Variants in BCAN observed in about 807,000 individuals in gnomAD.
BCAN encodes the protein brevican core protein.
In BCAN, 51 loss-of-function variants were observed where a neutral mutation model predicts 92.4. That is an observed-to-expected ratio of 0.55 (90% confidence interval 0.44 to 0.70). The LOEUF (loss-of-function observed/expected upper bound fraction) is 0.70, where lower values mean the gene tolerates loss of function less well. Among genes scored for constraint, BCAN ranks in the 30% least tolerant of loss-of-function variants. BCAN has a pLI of 0.00. For synonymous variants in BCAN, 501 were observed against 505.2 expected (o/e 0.99, Z 0.11); for missense variants, 1,140 against 1,212.1 (o/e 0.94, Z 0.88).
chr1:156,652,958 G>A, intron 8 of BCAN, 66 bp downstream of exon 8: 1 of 1,591,756 alleles, frequency 6.3e-7, no homozygotes, highest in Non-Finnish European at 8.6e-7. Flanking sequence ...GCAGCTCTGG[G>A]TCACCTGACC....
rs535849291 is a variant in BCAN at position 156,648,752 on chromosome 1, C to A, written c.954C>A (p.Pro318=). The change falls in exon 6 of 14, where the codon CCC becomes CCA. Residue 318 remains proline, a synonymous_variant. Coordinates refer to ENST00000329117, the MANE Select transcript of BCAN (RefSeq NM_021948.5). The part of the protein sequence containing the change: ...DGSVRYPIVT[P]SQRCGGGLPG... ...GTGTGCGCTACCCCATCGTCACACC[C>A]AGCCAGCGCTGTGGTGGGGGCTTGC... is the stretch of plus-strand genomic sequence containing the variant. 5 of 1,612,438 alleles carry A rather than the reference C, an allele frequency of 3.1e-6. No homozygotes were observed. The Admixed American group carries it at 8.3e-5, about 27-fold the overall frequency.
At chr1:156,645,011 G>A (rs1372060735) in intron 1 of BCAN, 2 of 152,178 alleles carry the variant, frequency 1.3e-5, no homozygotes, top group Non-Finnish European at 2.9e-5. Flanking sequence ...AGGGATCCAG[G>A]GTCAGCCCTA....
In BCAN at chr1:156,658,656, C is replaced by T. The variant is rs749535108; in HGVS notation, c.2551C>T (p.Arg851Cys). Residue 851 changes from arginine (R) to cysteine (C), a missense_variant, in exon 13 of 14, where the codon CGC becomes TGC. This residue lies in a region of BCAN where 825 missense variants were observed against 871.8 expected (regional missense o/e 0.95). Transcript: ENST00000329117. This position sits in a 1 kb window ranked among gnomAD's most constrained non-coding sequence, Gnocchi z 4.4. The part of the protein sequence containing the change: ...RYRCREGLAQ[R>C]NLPLIRCQEN... ...CCGGTGCCGGGAAGGACTGGCCCAG[C>T]GCAATCTGCCGCTGATCCGATGCCA... 5 of 1,614,152 alleles carry T rather than the reference C, an allele frequency of 3.1e-6. No homozygotes were observed. Among genetic ancestry groups the T allele is most frequent in the South Asian group, 1.1e-5 (1 of 91,092 alleles).
Position 156,651,458 on chromosome 1 carries a change from T to C in BCAN, c.1066T>C (p.Ser356Pro), listed in dbSNP as rs754084504. The C allele has an allele frequency of 6.2e-7, 1 of 1,613,140 alleles. No homozygotes were observed. Among genetic ancestry groups the C allele is most frequent in the South Asian group, 1.1e-5 (1 of 91,038 alleles). ...TCAATACTTTCCTCCTGCCACAGAC[T>C]CGGCCCAGCCTTCTGCCATCCCTGA... is the stretch of plus-strand genomic sequence containing the variant. ...SRFNVYCFRD[S>P]AQPSAIPEAS... is the part of the protein sequence containing the mutation. The change falls in exon 7 of 14, where the codon TCG (serine) becomes CCG (proline). Residue 356 changes from serine to proline, a missense_variant and splice_region_variant. Ser to Pro is a moderately conservative substitution (Grantham distance 74, BLOSUM62 -1). Coordinates refer to ENST00000329117, the MANE Select transcript of BCAN (RefSeq NM_021948.5).
chr1:156,646,379 G>T, intron 2 of BCAN: 1 of 520,664 alleles, frequency 1.9e-6, no homozygotes, highest in Non-Finnish European at 3.4e-6. Context: ...GTGGAGGATA[G>T]GGGATCCTGA....
intron 6 of BCAN, among the ~76,000 whole-genome samples, chr1:156,650,354 G>A (rs948119588): frequency 6.6e-6 from 1 of 152,156 alleles, no homozygotes; most frequent in Admixed American, 6.5e-5. Context: ...CACTGGAGCA[G>A]GTGATGAGGG....
At position 156,658,619 on chromosome 1, in the gene BCAN, T is replaced by C. The variant is rs774913485; in HGVS notation, c.2514T>C (p.Thr838=). Residue 838 remains threonine, a synonymous_variant, in exon 13 of 14, where the codon ACT becomes ACC. Coordinates refer to ENST00000329117, the MANE Select transcript of BCAN (RefSeq NM_021948.5). This position sits in a 1 kb window ranked among gnomAD's most constrained non-coding sequence, Gnocchi z 4.4. The stretch of plus-strand genomic sequence containing the variant: ...CACGGCTGCGCTATGAGGTGGACAC[T>C]GTGCTTCGCTACCGGTGCCGGGAAG... ...GRPRLRYEVD[T]VLRYRCREGL... 1 of 1,614,126 alleles carries C rather than the reference T, an allele frequency of 6.2e-7. No homozygotes were observed. Among genetic ancestry groups the C allele is most frequent in the African/African-American group, 1.3e-5 (1 of 75,070 alleles).
chr1:156,657,792 C>A, intron 11 of BCAN, 35 bp downstream of exon 11: 1 of 1,575,526 alleles, frequency 6.3e-7, no homozygotes, highest in Non-Finnish European at 8.7e-7. Context: ...CCGTCTAGCT[C>A]ACTTCCTCTA....
intron 6 of BCAN, 145 bp from the exon 7 acceptor site, chr1:156,651,311 G>A (rs1043228739): frequency 6.6e-5 from 50 of 753,130 alleles, no homozygotes; most frequent in Middle Eastern, 3.6e-4. Context: ...AATGAGTGAC[G>A]AAGTTCTGGG....
intron 5 of BCAN, 99 bp from the exon 6 acceptor site, chr1:156,648,469 A>C: frequency 2.3e-6 from 3 of 1,284,252 alleles, no homozygotes; most frequent in Non-Finnish European, 3.3e-6. Flanking sequence ...CCTGCCACAG[A>C]TGAGGGAACT....
At chr1:156,648,947 T>C in intron 6 of BCAN, 86 bp downstream of exon 6, 3 of 1,420,318 alleles carry the variant, frequency 2.1e-6, no homozygotes, top group Non-Finnish European at 9.4e-7. Flanking sequence ...CTGATCAGTT[T>C]AGCTCAGGGC....
chr1:156,657,594 A>T (rs1679377818), intron 10 of BCAN, 81 bp from the exon 11 acceptor site: 1 of 1,165,576 alleles, frequency 8.6e-7, no homozygotes, highest in South Asian at 1.4e-5. Flanking sequence ...TTTCCAAGGC[A>T]GTCACCGCAG....
rs1457907754 is a variant in BCAN at position 156,646,047 on chromosome 1, C to G, written c.-8C>G. 3.1e-6 allele frequency: 5 copies of G among 1,610,060 alleles called. No individual in the cohort carries two copies. Among genetic ancestry groups the G allele is most frequent in the Non-Finnish European group, 4.2e-6 (5 of 1,176,784 alleles). On this transcript the variant is annotated splice_region_variant and 5_prime_UTR_variant, in exon 2 of 14. Coordinates refer to ENST00000329117, the MANE Select transcript of BCAN (RefSeq NM_021948.5). Reference sequence around the variant, plus strand: ...TTTCCTTCTCATGTCCCTCTGTCAGCCTGCAGCATGGCCCAGCTGTTCCTG... The same window carrying G: ...TTTCCTTCTCATGTCCCTCTGTCAGGCTGCAGCATGGCCCAGCTGTTCCTG...
chr1:156,652,915 T>G, intron 8 of BCAN, 23 bp downstream of exon 8: 1 of 1,612,552 alleles, frequency 6.2e-7, no homozygotes, highest in Non-Finnish European at 8.5e-7. Context: ...AAGGCTCAAC[T>G]GCCCTCTCTA....
chr1:156,648,943 A>C (rs2102560404), intron 6 of BCAN, 82 bp downstream of exon 6: 1 of 1,428,952 alleles, frequency 7.0e-7, no homozygotes, highest in Non-Finnish European at 9.3e-7. Flanking sequence ...CAGTCTGATC[A>C]GTTTAGCTCA....
At chr1:156,649,787 G>A (rs1679102305) in intron 6 of BCAN, 2 of 486,842 alleles carry the variant, frequency 4.1e-6, no homozygotes, top group South Asian at 3.0e-5. Context: ...AAGGGTGACC[G>A]ACAATAAGAG....
intron 8 of BCAN, among the ~76,000 whole-genome samples, chr1:156,654,217 G>A (rs190665140): frequency 2.0e-5 from 3 of 152,328 alleles, no homozygotes; most frequent in Non-Finnish European, 2.9e-5. Flanking sequence ...CTCTACTCAG[G>A]AAGGCTAAGA....
Position 156,657,698 on chromosome 1 carries a change from A to G in BCAN, c.2233A>G (p.Ile745Val). ...AGACCGGTACCGGGAGTACCAGTGG[A>G]TCGGACTCAACGACAGGACCATCGA... ...INNRYREYQW[I>V]GLNDRTIEGD... Residue 745 changes from isoleucine (I) to valine (V), a missense_variant, in exon 11 of 14, where the codon ATC (isoleucine) becomes GTC (valine). This residue lies in a region of BCAN where 825 missense variants were observed against 871.8 expected (regional missense o/e 0.95). Transcript: ENST00000329117. 6.2e-7 allele frequency: 1 copy of G among 1,612,152 alleles called. No individual in the cohort carries two copies. Among genetic ancestry groups the G allele is most frequent in the Non-Finnish European group, 8.5e-7 (1 of 1,179,250 alleles).
chr1:156,654,303 G>C (rs1466595473), intron 8 of BCAN, among the ~76,000 whole-genome samples: 3 of 152,170 alleles, frequency 2.0e-5, no homozygotes, highest in African/African-American at 4.8e-5. Context: ...ATCACATCCT[G>C]AGTCCCACCC....
Sources: allele counts gnomAD v4.1 joint callset (sites outside exome capture counted in the v4.1 genomes callset), GRCh38; gene constraint gnomAD v4.1.1; regional missense constraint gnomAD v4.1.1; non-coding constraint Gnocchi (gnomAD v3.1); transcripts MANE v1.5; gene names NCBI Gene and HGNC (gene_info 2026-07-23, HGNC 2026-07-21).